Variants in UTP25 observed in about 807,000 individuals in gnomAD.
The protein encoded by UTP25 is UTP25 small subunit processome component, also known as U3 small nucleolar RNA-associated protein 25 homolog.
A neutral mutation model predicts 78.9 loss-of-function variants in UTP25; 50 were observed. The observed-to-expected ratio is 0.63, with a 90% CI of 0.50 to 0.80. The LOEUF (loss-of-function observed/expected upper bound fraction) is 0.80. Among genes scored for constraint, UTP25 ranks in the 30% least tolerant of loss-of-function variants. The pLI is 0.00. For missense variants in UTP25, 846 were observed against 911.3 expected (o/e 0.93, Z 0.92); for synonymous variants, 329 against 336.5 (o/e 0.98, Z 0.24).
intron 5 of UTP25, 41 bp downstream of exon 5, chr1:209,835,204 C>G (rs1390128831): frequency 1.3e-6 from 2 of 1,568,098 alleles, no homozygotes; most frequent in Admixed American, 3.3e-5. Context: ...ATAGAGAAAG[C>G]TCTAAATAAA....
At chr1:209,843,417 G>A in intron 10 of UTP25, 34 bp from the exon 11 acceptor site, 1 of 1,610,312 alleles carries the variant, frequency 6.2e-7, no homozygotes, top group Non-Finnish European at 8.5e-7. Context: ...CTTAGCTCTA[G>A]ACATTAATTT....
rs562795831 is a variant in UTP25, at chr1:209,846,013, C to T, written c.2027+2317C>T. Among the ~76,000 whole-genome samples the T allele has an allele frequency of 6.6e-5, 10 of 151,970 alleles. No individual in the cohort carries two copies. In the East Asian group the frequency reaches 1.4e-3, roughly 21 times the overall value. On this transcript the variant is annotated intron_variant, in intron 11 of 11. Coordinates refer to ENST00000491415, the MANE Select transcript of UTP25 (RefSeq NM_014388.7). ...CTGGGATTACAGAATTGCATCACCA[C>T]GCCTGGCTGATTTTTGTATTTTTAG...
Position 209,854,850 on chromosome 1 carries a change from T to A in UTP25, c.*3403T>A, listed in dbSNP as rs1160477400. The A allele has an allele frequency of 6.6e-6, 1 of 152,240 alleles. No individual in the cohort carries two copies. Among genetic ancestry groups the A allele is most frequent in the East Asian group, 1.9e-4 (1 of 5,184 alleles). 9.4% of individuals were successfully genotyped at this position (152,240 alleles called of 1,614,324 possible). On this transcript the variant is annotated 3_prime_UTR_variant, in exon 12 of 12. Coordinates refer to ENST00000491415, the MANE Select transcript of UTP25 (RefSeq NM_014388.7). ...GTGGCTCTTTTCAGGGCACGGCTTCTGAGGAGCGTGGGGCCACCACAGCTA... is the reference window on the plus strand; with the variant it reads ...GTGGCTCTTTTCAGGGCACGGCTTCAGAGGAGCGTGGGGCCACCACAGCTA...
chr1:209,845,801 T>C (rs1371066474), intron 11 of UTP25, among the ~76,000 whole-genome samples: 1 of 85,986 alleles, frequency 1.2e-5, no homozygotes, highest in African/African-American at 6.1e-5. Context: ...TGCAGTGCCT[T>C]TGTGATTTTT....
intron 7 of UTP25, 47 bp from the exon 8 acceptor site, chr1:209,840,806 C>T: frequency 6.3e-7 from 1 of 1,593,958 alleles, no homozygotes. Flanking sequence ...AAGGTAATGG[C>T]TTGGTAGTGA....
rs981525757 is a variant in UTP25, at chr1:209,856,517, G to A, written c.*5070G>A. 1 of 152,270 alleles carries A rather than the reference G, an allele frequency of 6.6e-6. No individual in the cohort carries two copies. Among genetic ancestry groups the A allele is most frequent in the Non-Finnish European group, 1.5e-5 (1 of 68,060 alleles). The allele number at this position is 152,270 out of a possible 1,614,324, so 9.4% of individuals were successfully genotyped here. A position where few individuals can be genotyped will look rare whatever the true frequency, so the allele number is the denominator to read the frequency against. On this transcript the variant is annotated 3_prime_UTR_variant, in exon 12 of 12. Coordinates refer to ENST00000491415, the MANE Select transcript of UTP25 (RefSeq NM_014388.7). Reference sequence around the variant, plus strand: ...GTACGTAGGAGAGTGGTGAAGAAAGGAGCTTGGTTCTGCAAGGATGTTGTA... The same window carrying A: ...GTACGTAGGAGAGTGGTGAAGAAAGAAGCTTGGTTCTGCAAGGATGTTGTA...
In UTP25 at chr1:209,831,059, A is replaced by G. The variant is rs2078100901; in HGVS notation, c.388+16A>G. On this transcript the variant is annotated intron_variant, in intron 3 of 11. Transcript: ENST00000491415. ...AGTCCAGAGAGTAAGTGTCTTTACT[A>G]TAGGCTCATCATCTTTGCCAGAACT... 6.2e-7 allele frequency: 1 copy of G among 1,613,728 alleles called. No individual in the cohort carries two copies. Among genetic ancestry groups the G allele is most frequent in the Non-Finnish European group, 8.5e-7 (1 of 1,179,696 alleles).
At chr1:209,829,331 C>T (rs1208553268) in intron 1 of UTP25, among the ~76,000 whole-genome samples, 1 of 152,148 alleles carries the variant, frequency 6.6e-6, no homozygotes, top group Non-Finnish European at 1.5e-5. Context: ...TTTGTTGGGA[C>T]ATCATTGATC....
At chr1:209,837,317 C>A in intron 6 of UTP25, 106 bp downstream of exon 6, 2 of 1,313,724 alleles carry the variant, frequency 1.5e-6, no homozygotes, top group Non-Finnish European at 1.0e-6. Context: ...AATTGACTGG[C>A]ATAATGAATG....
Position 209,836,807 on chromosome 1 carries a change from A to G in UTP25, c.658A>G (p.Ile220Val), listed in dbSNP as rs1254061176. Residue 220 changes from isoleucine (I) to valine (V), a missense_variant, in exon 6 of 12, where the codon ATT (isoleucine) becomes GTT (valine). Transcript: ENST00000491415. ...TGATCTGTTTCTCCCCTAGTGGCCT[A>G]TTCTGGGCCAGCTTTTCTTTTCCTC... ...PKTTHELKWP[I>V]LGQLFFSSKF... 2 of 1,604,688 alleles carry G rather than the reference A, an allele frequency of 1.2e-6. No individual in the cohort carries two copies. The highest frequency in any genetic ancestry group is 1.1e-5 in the South Asian group (1 of 89,744).
intron 3 of UTP25, among the ~76,000 whole-genome samples, chr1:209,832,337 G>A (rs952301126): frequency 1.3e-5 from 2 of 151,826 alleles, no homozygotes; most frequent in Non-Finnish European, 2.9e-5. Flanking sequence ...ATACATTTCC[G>A]TAACTTCCTA....
intron 1 of UTP25, among the ~76,000 whole-genome samples, chr1:209,828,964 G>A (rs559141828): frequency 6.6e-6 from 1 of 151,620 alleles, no homozygotes; most frequent in East Asian, 2.0e-4. Flanking sequence ...AGTTGAGACG[G>A]GGTTTCACCA....
chr1:209,837,223 A>T lies in UTP25; in HGVS notation c.1062+12A>T. The T allele has an allele frequency of 6.2e-7, 1 of 1,608,216 alleles. No individual in the cohort carries two copies. On this transcript the variant is annotated intron_variant, in intron 6 of 11. Transcript: ENST00000491415. Reference sequence around the variant, plus strand: ...TAACAAGGCCCAAGGTGAGTCCAGCAGGAAAGCTTTGCTCTCGAGGAGGTG... The same window carrying T: ...TAACAAGGCCCAAGGTGAGTCCAGCTGGAAAGCTTTGCTCTCGAGGAGGTG...
intron 11 of UTP25, among the ~76,000 whole-genome samples, chr1:209,845,997 C>G (rs960788271): frequency 3.3e-5 from 5 of 151,722 alleles, no homozygotes; most frequent in African/African-American, 9.7e-5. Context: ...GCTGGGATTA[C>G]AGAATTGCAT....
chr1:209,840,689 C>G (rs190456468), intron 7 of UTP25, among the ~76,000 whole-genome samples, 164 bp from the exon 8 acceptor site: 1 of 152,280 alleles, frequency 6.6e-6, no homozygotes, highest in East Asian at 1.9e-4. Flanking sequence ...AGAGATTTCT[C>G]TTGTTCTTAT....
At position 209,837,342 on chromosome 1, in the gene UTP25, C is replaced by T. The variant is rs78210615; in HGVS notation, c.1062+131C>T. ...CATAATGAATGAGCCCAAATGTGAG[C>T]ATATTAAGTAGGCCAGGTAGTGTCA... On this transcript the variant is annotated intron_variant, in intron 6 of 11. Coordinates refer to ENST00000491415, the MANE Select transcript of UTP25 (RefSeq NM_014388.7). 2.2e-3 allele frequency: 2,326 copies of T among 1,080,448 alleles called. 42 individuals carry two copies. The African/African-American group carries it at 0.034, about 16-fold the overall frequency. The allele number at this position is 1,080,448 out of a possible 1,614,324, so 66.9% of individuals were successfully genotyped here.
At chr1:209,842,537 A>G in intron 9 of UTP25, 46 bp from the exon 10 acceptor site, 2 of 1,612,024 alleles carry the variant, frequency 1.2e-6, no homozygotes, top group Non-Finnish European at 1.7e-6. Flanking sequence ...CTTCTGGTCA[A>G]GAAGGGGATG....
At chr1:209,832,070 T>C (rs923386443) in intron 3 of UTP25, among the ~76,000 whole-genome samples, 3 of 152,056 alleles carry the variant, frequency 2.0e-5, no homozygotes, top group South Asian at 2.1e-4. Context: ...TAAAAATTCA[T>C]TGACTTACAC....
At chr1:209,830,584 G>C (rs113901067) in intron 2 of UTP25, among the ~76,000 whole-genome samples, 33 of 152,122 alleles carry the variant, frequency 2.2e-4, no homozygotes, top group African/African-American at 8.0e-4. Context: ...CTAATGCCTG[G>C]GACATAAATT....
Sources: allele counts gnomAD v4.1 joint callset (sites outside exome capture counted in the v4.1 genomes callset), GRCh38; gene constraint gnomAD v4.1.1; transcripts MANE v1.5; gene names NCBI Gene and HGNC (gene_info 2026-07-23, HGNC 2026-07-21).